Variants in SPOCK3 observed in about 807,000 individuals in gnomAD.
SPOCK3 encodes SPARC (osteonectin), cwcv and kazal like domains proteoglycan 3.
In SPOCK3, 30 loss-of-function variants were observed where a neutral mutation model predicts 56.6. The ratio of observed to expected loss-of-function variants is 0.53; its 90% CI spans 0.40 to 0.72. SPOCK3 has a LOEUF of 0.72. SPOCK3 is among the 30% of genes least tolerant of loss of function. The pLI is 0.00. For missense variants in SPOCK3, 527 were observed against 530.0 expected, an observed-to-expected ratio of 0.99 and a Z score of 0.06; for synonymous variants, 196 against 183.3, an observed-to-expected ratio of 1.07 and a Z score of -0.56.
In SPOCK3 at chr4:166,753,623, G is replaced by A. The variant is rs895839696; in HGVS notation, c.931+885C>T. Among the ~76,000 whole-genome samples the A allele has an allele frequency of 3.3e-5, 5 of 151,868 alleles. No individual in the cohort carries two copies. The South Asian group carries it at 6.2e-4, about 19-fold the overall frequency. ...ATATAATGTGCTGGTTTTCCTTATCGAAGACTGGTAATCATTGATATTGTA... is the reference window on the plus strand; with the variant it reads ...ATATAATGTGCTGGTTTTCCTTATCAAAGACTGGTAATCATTGATATTGTA... On this transcript the variant is annotated intron_variant, in intron 8 of 10. Coordinates refer to ENST00000357545, the MANE Select transcript of SPOCK3 (RefSeq NM_001040159.2).
chr4:167,168,078 C>T (rs1310831610), intron 2 of SPOCK3, among the ~76,000 whole-genome samples: 1 of 152,158 alleles, frequency 6.6e-6, no homozygotes, highest in Non-Finnish European at 1.5e-5. Flanking sequence ...CATTCATCTT[C>T]AGCCATGATT....
chr4:167,060,849 A>C (rs1227419932), intron 3 of SPOCK3, among the ~76,000 whole-genome samples: 1 of 152,070 alleles, frequency 6.6e-6, no homozygotes, highest in African/African-American at 2.4e-5. Context: ...CAGGAGCTTA[A>C]CTAACTGCTT....
chr4:166,820,823 T>C (rs1744859895), intron 6 of SPOCK3, among the ~76,000 whole-genome samples: 1 of 151,778 alleles, frequency 6.6e-6, no homozygotes, highest in Non-Finnish European at 1.5e-5. Flanking sequence ...TCTCAAAATT[T>C]TTAAAAAAAT....
chr4:166,763,407 C>T (rs1737517552), intron 7 of SPOCK3, among the ~76,000 whole-genome samples: 1 of 151,870 alleles, frequency 6.6e-6, no homozygotes, highest in African/African-American at 2.4e-5. Context: ...GTAATAATGA[C>T]AGAGAATGTA....
chr4:166,788,751 G>A (rs1199056241), intron 7 of SPOCK3, among the ~76,000 whole-genome samples: 3 of 151,518 alleles, frequency 2.0e-5, no homozygotes, highest in Non-Finnish European at 4.4e-5. Flanking sequence ...AGATATACAA[G>A]ACGTTTTTTT....
At chr4:167,125,989 A>T (rs1298289052) in intron 2 of SPOCK3, among the ~76,000 whole-genome samples, 1 of 152,206 alleles carries the variant, frequency 6.6e-6, no homozygotes, top group Non-Finnish European at 1.5e-5. Flanking sequence ...GAAGTTACAC[A>T]CTTTATTTTT....
intron 4 of SPOCK3, among the ~76,000 whole-genome samples, chr4:166,946,656 A>T (rs775559835): frequency 2.4e-4 from 36 of 152,274 alleles, no homozygotes; most frequent in Non-Finnish European, 3.5e-4. Context: ...TCTCTTTGGC[A>T]TGTCGGATCC....
At chr4:167,127,431 CTT>C (rs1423258826) in intron 2 of SPOCK3, among the ~76,000 whole-genome samples, 11 of 141,626 alleles carry the variant, frequency 7.8e-5, no homozygotes, top group Non-Finnish European at 6.2e-5. Flanking sequence ...TGGAAATTTT[CTT>C]TTTTTTTTTT....
At chr4:166,991,379 T>TTATTTATG (rs1346090842) in intron 4 of SPOCK3, among the ~76,000 whole-genome samples, 5 of 150,942 alleles carry the variant, frequency 3.3e-5, no homozygotes, top group East Asian at 1.9e-4. Flanking sequence ...ATTTATTTAT[T>TTATTTATG]TATGTTTTGA....
At chr4:166,896,992 C>T (rs916739610) in intron 5 of SPOCK3, among the ~76,000 whole-genome samples, 7 of 152,002 alleles carry the variant, frequency 4.6e-5, no homozygotes, top group Non-Finnish European at 1.0e-4. Flanking sequence ...TTTTTTTTCC[C>T]CCATAGCTCC....
intron 6 of SPOCK3, among the ~76,000 whole-genome samples, chr4:166,878,911 G>A (rs563031790): frequency 2.0e-5 from 3 of 152,176 alleles, no homozygotes; most frequent in South Asian, 4.1e-4. Flanking sequence ...GGCTTTGTGA[G>A]GACTAGATGA....
chr4:167,114,324 TC>T (rs1436910091), intron 2 of SPOCK3, among the ~76,000 whole-genome samples: 1 of 152,120 alleles, frequency 6.6e-6, no homozygotes, highest in Non-Finnish European at 1.5e-5. Flanking sequence ...AATACCTTTT[TC>T]TAAGTTGAGA....
intron 2 of SPOCK3, among the ~76,000 whole-genome samples, chr4:167,221,169 A>G (rs1014757808): frequency 6.6e-6 from 1 of 151,620 alleles, no homozygotes; most frequent in Non-Finnish European, 1.5e-5. Context: ...AGACCAGCCT[A>G]GGCAACAAAG....
At chr4:167,201,195 T>C (rs1561316304) in intron 2 of SPOCK3, among the ~76,000 whole-genome samples, 1 of 151,922 alleles carries the variant, frequency 6.6e-6, no homozygotes, top group African/African-American at 2.4e-5. Context: ...GGTAAGAACA[T>C]AAAAAATTTG....
chr4:167,111,041 AG>A (rs1330926353), intron 2 of SPOCK3, among the ~76,000 whole-genome samples: 18 of 152,034 alleles, frequency 1.2e-4, no homozygotes, highest in African/African-American at 3.9e-4. Flanking sequence ...GGCCAAAAAA[AG>A]AAATATAATT....
chr4:166,742,234 C>CATCTATATCT (rs1734933561), intron 8 of SPOCK3, among the ~76,000 whole-genome samples, 175 bp from the exon 9 acceptor site: 1 of 121,878 alleles, frequency 8.2e-6, no homozygotes, highest in East Asian at 2.1e-4. Context: ...GTCTATCTAT[C>CATCTATATCT]ATCTATCTAT....
At chr4:166,766,350 G>C (rs553392695) in intron 7 of SPOCK3, among the ~76,000 whole-genome samples, 1 of 152,246 alleles carries the variant, frequency 6.6e-6, no homozygotes, top group Non-Finnish European at 1.5e-5. Flanking sequence ...TTAATATTTT[G>C]AGATACATCC....
chr4:167,184,397 T>C (rs1445925277), intron 2 of SPOCK3, among the ~76,000 whole-genome samples: 2 of 152,182 alleles, frequency 1.3e-5, no homozygotes, highest in Non-Finnish European at 1.5e-5. Context: ...CCCATGATAA[T>C]TGGTACTCTG....
intron 3 of SPOCK3, among the ~76,000 whole-genome samples, chr4:167,057,229 C>T (rs1358296737): frequency 3.3e-5 from 5 of 152,272 alleles, no homozygotes; most frequent in Non-Finnish European, 7.3e-5. Flanking sequence ...TACAGACAAG[C>T]AAATGCTCAG....
Sources: allele counts gnomAD v4.1 joint callset (sites outside exome capture counted in the v4.1 genomes callset), GRCh38; gene constraint gnomAD v4.1.1; transcripts MANE v1.5; gene names NCBI Gene and HGNC (gene_info 2026-07-23, HGNC 2026-07-21).